Variants in TAFA5 observed in about 807,000 individuals in gnomAD.
The protein encoded by TAFA5 is chemokine-like protein TAFA-5.
TAFA5 carries 6 observed loss-of-function variants against 15.3 expected under a neutral mutation model. The observed-to-expected ratio is 0.39, with a 90% CI of 0.21 to 0.77. The LOEUF (loss-of-function observed/expected upper bound fraction) is 0.77. Ranked by LOEUF, TAFA5 falls within the 30% of genes least tolerant of loss-of-function variation. TAFA5 has a pLI of 0.41. For missense variants in TAFA5, 161 were observed against 193.1 expected, an observed-to-expected ratio of 0.83 and a Z score of 0.98; for synonymous variants, 103 against 80.7, an observed-to-expected ratio of 1.28 and a Z score of -1.48.
intron 1 of TAFA5, among the ~76,000 whole-genome samples, chr22:48,612,344 C>T (rs1308071817): frequency 6.6e-6 from 1 of 152,220 alleles, no homozygotes. Context: ...CGGCAGGCCA[C>T]GCGTGTCTCA....
At chr22:48,703,878 G>A (rs1569086767) in intron 2 of TAFA5, among the ~76,000 whole-genome samples, 1 of 152,232 alleles carries the variant, frequency 6.6e-6, no homozygotes, top group Non-Finnish European at 1.5e-5. Context: ...CTGTGCTGCA[G>A]AGAGTGCCAG....
chr22:48,646,289 C>G (rs117915888), intron 1 of TAFA5, among the ~76,000 whole-genome samples: 4 of 152,202 alleles, frequency 2.6e-5, no homozygotes, highest in Admixed American at 6.5e-5. Flanking sequence ...GTGATCCGAA[C>G]CTTTCATTTC....
At chr22:48,514,426 A>T (rs996131412) in intron 1 of TAFA5, among the ~76,000 whole-genome samples, 2 of 152,242 alleles carry the variant, frequency 1.3e-5, no homozygotes, top group African/African-American at 4.8e-5. Context: ...GTAGCCAGGG[A>T]ATAACTTCGC....
chr22:48,680,129 C>T (rs1006908479), intron 2 of TAFA5, among the ~76,000 whole-genome samples: 1 of 152,232 alleles, frequency 6.6e-6, no homozygotes, highest in African/African-American at 2.4e-5. Context: ...GGTCCCCCCA[C>T]CCTGTGTGCA....
intron 2 of TAFA5, among the ~76,000 whole-genome samples, chr22:48,665,965 C>T (rs1185900606): frequency 1.3e-5 from 2 of 152,218 alleles, no homozygotes; most frequent in Non-Finnish European, 2.9e-5. Context: ...CCCCACCCTG[C>T]ATCCAGCCTA....
intron 1 of TAFA5, among the ~76,000 whole-genome samples, chr22:48,602,845 T>G (rs1311812665): frequency 6.6e-6 from 1 of 152,124 alleles, no homozygotes; most frequent in Non-Finnish European, 1.5e-5. Flanking sequence ...ACCTGGGCCC[T>G]GAGAGGTTAT....
intron 2 of TAFA5, among the ~76,000 whole-genome samples, chr22:48,647,965 G>T (rs1253419679): frequency 6.6e-6 from 1 of 152,190 alleles, no homozygotes; most frequent in African/African-American, 2.4e-5. Context: ...TCGAGCTGCG[G>T]CCCGGTAGGG....
At chr22:48,692,452 CTG>C (rs1455640327) in intron 2 of TAFA5, among the ~76,000 whole-genome samples, 1 of 152,222 alleles carries the variant, frequency 6.6e-6, no homozygotes, top group Non-Finnish European at 1.5e-5. Flanking sequence ...TTTTAAGAGA[CTG>C]AGTCTCGCCG....
intron 3 of TAFA5, among the ~76,000 whole-genome samples, chr22:48,728,431 C>T (rs936013927): frequency 6.6e-6 from 1 of 152,200 alleles, no homozygotes; most frequent in Non-Finnish European, 1.5e-5. Flanking sequence ...TAACTTGGAG[C>T]AAACTTCCCT....
chr22:48,531,896 G>A (rs60391946), intron 1 of TAFA5, among the ~76,000 whole-genome samples: 4,798 of 152,282 alleles, frequency 0.032, 236 homozygotes, highest in African/African-American at 0.11. Context: ...GAGGGTGGAC[G>A]TCCCACAGCC....
chr22:48,525,829 C>T (rs970253303), intron 1 of TAFA5, among the ~76,000 whole-genome samples: 3 of 152,174 alleles, frequency 2.0e-5, no homozygotes, highest in African/African-American at 4.8e-5. Flanking sequence ...CATCTGTGGA[C>T]GAGGCATCCT....
intron 1 of TAFA5, among the ~76,000 whole-genome samples, chr22:48,620,235 T>C (rs2147180844): frequency 6.6e-6 from 1 of 152,054 alleles, no homozygotes; most frequent in East Asian, 1.9e-4. Flanking sequence ...CAGCCACCTC[T>C]CCCTCCACAG....
chr22:48,744,474 G>T (rs1930270202), intron 3 of TAFA5, among the ~76,000 whole-genome samples: 1 of 152,210 alleles, frequency 6.6e-6, no homozygotes, highest in Non-Finnish European at 1.5e-5. Flanking sequence ...CCCAGGCCAT[G>T]ACCCGTGTGG....
chr22:48,652,599 A>G (rs1927093482), intron 2 of TAFA5, among the ~76,000 whole-genome samples: 1 of 152,072 alleles, frequency 6.6e-6, no homozygotes, highest in Non-Finnish European at 1.5e-5. Context: ...CTGGGCCCTC[A>G]CCAAATCATC....
intron 3 of TAFA5, among the ~76,000 whole-genome samples, chr22:48,714,027 G>A (rs1031447111): frequency 2.6e-5 from 4 of 152,184 alleles, no homozygotes; most frequent in Admixed American, 6.5e-5. Context: ...GTGCCAATCC[G>A]CCAGGCAGCT....
chr22:48,511,361 T>TTCC lies in TAFA5; in HGVS notation c.112+21678_112+21680dup, dbSNP rs569747187. On this transcript the variant is annotated intron_variant, in intron 1 of 3. Transcript: ENST00000402357. ...TCAGGTGGCTGACGCTTCCCAGAGCTTCCTCCTCCTCCTCCTCCTCCTCAC... is the reference window on the plus strand; with the variant it reads ...TCAGGTGGCTGACGCTTCCCAGAGCTTCCTCCTCCTCCTCCTCCTCCTCCTCAC... Among the ~76,000 whole-genome samples the TTCC allele has an allele frequency of 4.5e-4, 69 of 151,802 alleles. 3 individuals carry two copies. In the South Asian group the frequency reaches 8.5e-3, roughly 19 times the overall value.
chr22:48,507,812 C>T (rs754744111), intron 1 of TAFA5, among the ~76,000 whole-genome samples: 8 of 152,112 alleles, frequency 5.3e-5, no homozygotes, highest in Admixed American at 2.6e-4. Flanking sequence ...GGATGGACAG[C>T]GCCCCCTCCC....
At chr22:48,561,875 C>G (rs1923242374) in intron 1 of TAFA5, among the ~76,000 whole-genome samples, 2 of 152,218 alleles carry the variant, frequency 1.3e-5, no homozygotes, top group African/African-American at 2.4e-5. Flanking sequence ...ACATTCTGCA[C>G]AGTGACGCGG....
At chr22:48,682,450 C>T (rs938300923) in intron 2 of TAFA5, among the ~76,000 whole-genome samples, 2 of 152,232 alleles carry the variant, frequency 1.3e-5, no homozygotes, top group Admixed American at 1.3e-4. Context: ...TACATATCAT[C>T]GTGAGCTTCT....
Sources: allele counts gnomAD v4.1 joint callset (sites outside exome capture counted in the v4.1 genomes callset), GRCh38; gene constraint gnomAD v4.1.1; transcripts MANE v1.5; gene names NCBI Gene and HGNC (gene_info 2026-07-23, HGNC 2026-07-21).